The following CMTM8 variants were observed in gnomAD, a reference collection of about 807,000 sequenced individuals.
CMTM8 encodes CKLF-like MARVEL transmembrane domain-containing protein 8.
A neutral mutation model predicts 18.6 loss-of-function variants in CMTM8; 12 were observed. That is an observed-to-expected ratio of 0.65 (90% CI 0.41 to 1.05). CMTM8 has a LOEUF of 1.05. Ranked by LOEUF, CMTM8 falls within the 50% of genes least tolerant of loss-of-function variation. The probability of loss-of-function intolerance (pLI) is 0.00; values close to 1 mark genes in which losing one functional copy is unlikely to be tolerated. For synonymous variants in CMTM8, 87 were observed against 90.6 expected, an observed-to-expected ratio of 0.96 and a Z score of 0.23; for missense variants, 217 against 227.2, an observed-to-expected ratio of 0.95 and a Z score of 0.29.
intron 1 of CMTM8, among the ~76,000 whole-genome samples, chr3:32,305,464 A>G (rs895873683): frequency 2.6e-5 from 4 of 152,214 alleles, no homozygotes; most frequent in African/African-American, 4.8e-5. Flanking sequence ...TTTACTGACA[A>G]ATATGTGCAG....
chr3:32,253,444 A>G (rs1220352955), intron 1 of CMTM8, among the ~76,000 whole-genome samples: 1 of 150,382 alleles, frequency 6.6e-6, no homozygotes, highest in African/African-American at 2.5e-5. Flanking sequence ...TCTAAGGTTC[A>G]AGTGATTCTC....
chr3:32,256,705 C>G (rs1373427765), intron 1 of CMTM8, among the ~76,000 whole-genome samples: 2 of 152,312 alleles, frequency 1.3e-5, no homozygotes, highest in African/African-American at 2.4e-5. Context: ...TCGAGTTTCC[C>G]AAGTCCTGGT....
At chr3:32,240,282 T>G (rs2125525005) in intron 1 of CMTM8, among the ~76,000 whole-genome samples, 1 of 152,328 alleles carries the variant, frequency 6.6e-6, no homozygotes, top group East Asian at 1.9e-4. Flanking sequence ...ATAATGCACA[T>G]AAGGTATGAG....
chr3:32,312,459 T>C (rs1695837988), intron 1 of CMTM8, among the ~76,000 whole-genome samples: 1 of 151,992 alleles, frequency 6.6e-6, no homozygotes, highest in African/African-American at 2.4e-5. Context: ...TTACAAAGGA[T>C]ACAGATGAAC....
chr3:32,284,430 A>AG (rs1702649002), intron 1 of CMTM8, among the ~76,000 whole-genome samples: 1 of 152,238 alleles, frequency 6.6e-6, no homozygotes, highest in African/African-American at 2.4e-5. Flanking sequence ...CCCAGTGCCC[A>AG]GGGAAGCGGA....
chr3:32,238,382 A>C (rs1030599042), upstream of CMTM8: 7 of 152,342 alleles, frequency 4.6e-5, no homozygotes, highest in African/African-American at 1.7e-4. Context: ...CAATGCCCGC[A>C]GCCCCCGACC....
chr3:32,249,679 C>T (rs555866321), intron 1 of CMTM8, among the ~76,000 whole-genome samples: 30 of 152,252 alleles, frequency 2.0e-4, no homozygotes, highest in African/African-American at 7.2e-4. Flanking sequence ...TGTACATTTT[C>T]TTCAGAGAGC....
At chr3:32,296,919 A>G (rs145239751) in intron 1 of CMTM8, among the ~76,000 whole-genome samples, 1 of 151,926 alleles carries the variant, frequency 6.6e-6, no homozygotes, top group Non-Finnish European at 1.5e-5. Context: ...GTCCACCATG[A>G]CCTCCACATT....
At chr3:32,273,001 A>G (rs1702461119) in intron 1 of CMTM8, among the ~76,000 whole-genome samples, 1 of 152,184 alleles carries the variant, frequency 6.6e-6, no homozygotes, top group Admixed American at 6.5e-5. Context: ...AAAAGTTGCT[A>G]AACATCATTA....
At chr3:32,310,960 C>A (rs868793356) in intron 1 of CMTM8, among the ~76,000 whole-genome samples, 5 of 152,164 alleles carry the variant, frequency 3.3e-5, no homozygotes, top group Admixed American at 2.6e-4. Flanking sequence ...AACAATTGGA[C>A]CTGTCTTTCA....
chr3:32,320,397 T>C (rs1310339117), intron 1 of CMTM8, among the ~76,000 whole-genome samples: 17 of 152,202 alleles, frequency 1.1e-4, no homozygotes, highest in Admixed American at 1.1e-3. Flanking sequence ...TCTCGCATGA[T>C]TCCATTTATG....
chr3:32,294,884 A>T (rs917924520), intron 1 of CMTM8, among the ~76,000 whole-genome samples: 5 of 151,952 alleles, frequency 3.3e-5, no homozygotes, highest in Non-Finnish European at 7.4e-5. Context: ...GTGAAACCCC[A>T]TCTCTACTAA....
chr3:32,247,678 T>G (rs1374623614), intron 1 of CMTM8, among the ~76,000 whole-genome samples: 3 of 151,982 alleles, frequency 2.0e-5, no homozygotes, highest in African/African-American at 7.2e-5. Context: ...CCAGGCTGGT[T>G]TCGAACTCCT....
At chr3:32,308,523 C>T (rs995551877) in intron 1 of CMTM8, among the ~76,000 whole-genome samples, 36 of 152,140 alleles carry the variant, frequency 2.4e-4, no homozygotes, top group African/African-American at 8.0e-4. Context: ...TTGGAAAGGG[C>T]ACTGGCATGA....
At chr3:32,359,439 A>G (rs749619808) in intron 2 of CMTM8, among the ~76,000 whole-genome samples, 1 of 152,136 alleles carries the variant, frequency 6.6e-6, no homozygotes, top group Non-Finnish European at 1.5e-5. Context: ...TAAATACAAA[A>G]ATTAGCCTGG....
chr3:32,326,872 T>A (rs2125581064), intron 1 of CMTM8, among the ~76,000 whole-genome samples: 1 of 152,238 alleles, frequency 6.6e-6, no homozygotes, highest in South Asian at 2.1e-4. Context: ...CATTTATTGG[T>A]TTCCCCGATA....
chr3:32,357,800 A>G (rs1032102177), intron 2 of CMTM8, among the ~76,000 whole-genome samples: 1 of 152,260 alleles, frequency 6.6e-6, no homozygotes, highest in Non-Finnish European at 1.5e-5. Context: ...CAGAAGACTG[A>G]ATCAAGAAAA....
At chr3:32,338,820 T>G (rs1258205449) in intron 1 of CMTM8, among the ~76,000 whole-genome samples, 2 of 152,248 alleles carry the variant, frequency 1.3e-5, no homozygotes, top group African/African-American at 4.8e-5. Context: ...TCAACGTGGC[T>G]GAGCAGTTCT....
chr3:32,342,677 G>A (rs1696522115), intron 1 of CMTM8, among the ~76,000 whole-genome samples: 1 of 152,194 alleles, frequency 6.6e-6, no homozygotes, highest in Non-Finnish European at 1.5e-5. Context: ...GCAGGGAGCT[G>A]GAAGTAGACT....
Sources: allele counts gnomAD v4.1 joint callset (sites outside exome capture counted in the v4.1 genomes callset), GRCh38; gene constraint gnomAD v4.1.1; transcripts MANE v1.5; gene names NCBI Gene and HGNC (gene_info 2026-07-23, HGNC 2026-07-21).